RSPO2: variants seen among roughly 807,000 people sequenced by gnomAD.
RSPO2 encodes the protein R-spondin-2.
RSPO2 carries 14 observed loss-of-function variants against 30.9 expected under a neutral mutation model. The observed-to-expected ratio is 0.45, with a 90% CI of 0.30 to 0.71. RSPO2 has a LOEUF of 0.71. Among genes scored for constraint, RSPO2 ranks in the 30% least tolerant of loss-of-function variants. The probability of loss-of-function intolerance (pLI) is 0.08; values close to 1 mark genes in which losing one functional copy is unlikely to be tolerated. For synonymous variants in RSPO2, 107 were observed against 96.4 expected (o/e 1.11, Z -0.64); for missense variants, 264 against 301.9 (o/e 0.87, Z 0.93).
chr8:108,054,632 G>T (rs1420257955), intron 2 of RSPO2, among the ~76,000 whole-genome samples: 2 of 152,188 alleles, frequency 1.3e-5, no homozygotes, highest in East Asian at 3.9e-4. Flanking sequence ...GAAAATTCTA[G>T]AGTGTTTAAG....
At position 108,003,320 on chromosome 8, in the gene RSPO2, T is replaced by C. The variant is rs1460176189; in HGVS notation, c.95-14076A>G. 5.1e-3 allele frequency among the ~76,000 whole-genome samples: 179 copies of C among 34,998 alleles called. 1 individual carries two copies. The highest frequency in any genetic ancestry group is 7.4e-3 in the East Asian group (13 of 1,758). The allele number at this position is 34,998 out of a possible 152,430, so 23.0% of individuals were successfully genotyped here. A position where few individuals can be genotyped will look rare whatever the true frequency, so the allele number is the denominator to read the frequency against. The stretch of plus-strand genomic sequence containing the variant: ...ATATATATATATATATATTTTTTTT[T>C]TTTTTTTTTTTTTTTTTAAGTAGAG... On this transcript the variant is annotated intron_variant, in intron 2 of 5. Transcript: ENST00000276659.
chr8:108,049,111 T>G (rs1811995810), intron 2 of RSPO2, among the ~76,000 whole-genome samples: 1 of 151,926 alleles, frequency 6.6e-6, no homozygotes, highest in Non-Finnish European at 1.5e-5. Flanking sequence ...GGTGGGGAAC[T>G]GGGGGACGGA....
At chr8:108,064,562 T>C (rs1812596669) in intron 2 of RSPO2, among the ~76,000 whole-genome samples, 1 of 152,222 alleles carries the variant, frequency 6.6e-6, no homozygotes, top group African/African-American at 2.4e-5. Flanking sequence ...GGAACACTTA[T>C]ACACTGTTGG....
chr8:107,954,831 G>A (rs1012366478), intron 5 of RSPO2, among the ~76,000 whole-genome samples: 7 of 152,012 alleles, frequency 4.6e-5, no homozygotes, highest in Admixed American at 2.0e-4. Context: ...GGATGGTCTC[G>A]ATTTATTGAC....
chr8:107,984,578 T>A (rs182160101), intron 3 of RSPO2, among the ~76,000 whole-genome samples: 3 of 152,200 alleles, frequency 2.0e-5, no homozygotes, highest in Non-Finnish European at 4.4e-5. Flanking sequence ...ATTATTATGC[T>A]TTTTTAAACA....
intron 2 of RSPO2, among the ~76,000 whole-genome samples, chr8:108,029,004 T>G (rs533052264): frequency 5.2e-4 from 77 of 147,910 alleles, no homozygotes; most frequent in African/African-American, 1.8e-3. Context: ...CAAATTCTAG[T>G]GCTGGTACTT....
chr8:107,955,655 GC>G (rs1448771164), intron 5 of RSPO2, among the ~76,000 whole-genome samples: 1 of 151,614 alleles, frequency 6.6e-6, no homozygotes, highest in Non-Finnish European at 1.5e-5. Context: ...AACTCTTAAA[GC>G]CATTTATGTT....
At chr8:108,051,385 AG>A (rs956487760) in intron 2 of RSPO2, among the ~76,000 whole-genome samples, 12 of 152,286 alleles carry the variant, frequency 7.9e-5, no homozygotes, top group Non-Finnish European at 1.3e-4. Flanking sequence ...TTCCACCAGC[AG>A]GGGGAAAAAA....
intron 2 of RSPO2, among the ~76,000 whole-genome samples, chr8:108,077,463 C>G (rs931124111): frequency 1.3e-5 from 2 of 152,052 alleles, no homozygotes; most frequent in Non-Finnish European, 2.9e-5. Flanking sequence ...TATCCCTACC[C>G]AATCTTATTC....
At chr8:107,902,057 C>CATAAG (rs1811492891) in intron 5 of RSPO2, among the ~76,000 whole-genome samples, 1 of 152,124 alleles carries the variant, frequency 6.6e-6, no homozygotes, top group Non-Finnish European at 1.5e-5. Flanking sequence ...CCTTTGTACA[C>CATAAG]ATAAGATTTT....
At chr8:107,941,165 C>T (rs75274427) in intron 5 of RSPO2, among the ~76,000 whole-genome samples, 1,740 of 152,028 alleles carry the variant, frequency 0.011, 41 homozygotes, top group African/African-American at 0.039. Context: ...AATCATATCC[C>T]GACTCTGAAA....
intron 2 of RSPO2, among the ~76,000 whole-genome samples, chr8:108,037,774 C>A (rs1037163960): frequency 2.6e-5 from 4 of 152,144 alleles, no homozygotes; most frequent in Admixed American, 6.5e-5. Context: ...ACTAGCTCTA[C>A]TCTGCCTGTG....
intron 2 of RSPO2, among the ~76,000 whole-genome samples, chr8:107,991,275 C>CACACAA (rs1814839380): frequency 6.6e-6 from 1 of 151,578 alleles, no homozygotes; most frequent in African/African-American, 2.4e-5. Flanking sequence ...CACACACACA[C>CACACAA]ACACACACAC....
rs34187034 is a variant in RSPO2 at position 107,937,154 on chromosome 8, G to GTTT, written c.616+20923_616+20925dup. Among the ~76,000 whole-genome samples the GTTT allele has an allele frequency of 6.8e-3, 954 of 139,968 alleles. 7 individuals carry two copies. Among genetic ancestry groups the GTTT allele is most frequent in the African/African-American group, 0.023 (849 of 37,244 alleles). 91.8% of individuals were successfully genotyped at this position (139,968 alleles called of 152,430 possible). On this transcript the variant is annotated intron_variant, in intron 5 of 5. Coordinates refer to ENST00000276659, the MANE Select transcript of RSPO2 (RefSeq NM_178565.5). ...TTAAGTCTTTAATCCATCTTCAGTT[G>GTTT]TTTTTTTTTTTTTTTATATGGGGAG...
At chr8:108,002,435 T>C (rs1235631337) in intron 2 of RSPO2, among the ~76,000 whole-genome samples, 1 of 152,226 alleles carries the variant, frequency 6.6e-6, no homozygotes, top group African/African-American at 2.4e-5. Context: ...GTAAGTGCCA[T>C]AGTGTCTGAC....
chr8:108,032,875 T>C (rs906628469), intron 2 of RSPO2, among the ~76,000 whole-genome samples: 6 of 151,704 alleles, frequency 4.0e-5, no homozygotes, highest in East Asian at 3.9e-4. Flanking sequence ...CTGGCTAACA[T>C]GGTGAAACCC....
At chr8:108,047,369 T>C (rs933107378) in intron 2 of RSPO2, among the ~76,000 whole-genome samples, 5 of 152,220 alleles carry the variant, frequency 3.3e-5, no homozygotes, top group African/African-American at 1.2e-4. Context: ...TGACTTCATG[T>C]CTTGAAAGAA....
intron 2 of RSPO2, among the ~76,000 whole-genome samples, chr8:108,058,690 G>T (rs542617443): frequency 6.6e-6 from 1 of 151,714 alleles, no homozygotes; most frequent in Non-Finnish European, 1.5e-5. Context: ...CAGAAATAAT[G>T]CCACATATTT....
At chr8:108,020,407 C>T (rs1196107172) in intron 2 of RSPO2, among the ~76,000 whole-genome samples, 1 of 152,100 alleles carries the variant, frequency 6.6e-6, no homozygotes, top group Non-Finnish European at 1.5e-5. Flanking sequence ...AAATAAAATC[C>T]TATCACTTCG....
Sources: allele counts gnomAD v4.1 joint callset (sites outside exome capture counted in the v4.1 genomes callset), GRCh38; gene constraint gnomAD v4.1.1; transcripts MANE v1.5; gene names NCBI Gene and HGNC (gene_info 2026-07-23, HGNC 2026-07-21).